PDS5A: variants seen among roughly 807,000 people sequenced by gnomAD.
PDS5A encodes PDS5 cohesin associated factor A, also known as sister chromatid cohesion protein PDS5 homolog A.
In PDS5A, 42 loss-of-function variants were observed where a neutral mutation model predicts 167.1. That is an observed-to-expected ratio of 0.25 (90% CI 0.20 to 0.33). The LOEUF is 0.33. Ranked by LOEUF, PDS5A falls within the 10% of genes least tolerant of loss-of-function variation. The pLI, the probability that PDS5A is intolerant of heterozygous loss-of-function variation, is 1.00. For missense variants in PDS5A, 1,033 were observed against 1,605.9 expected (o/e 0.64, Z 6.10); for synonymous variants, 553 against 554.6 (o/e 1.00, Z 0.04).
intron 31 of PDS5A, 29 bp from the exon 32 acceptor site, chr4:39,838,237 C>A: frequency 7.3e-7 from 1 of 1,368,300 alleles, no homozygotes; most frequent in Non-Finnish European, 9.8e-7. Context: ...ATTCTATAAA[C>A]ACAAATTCCT....
intron 2 of PDS5A, among the ~76,000 whole-genome samples, chr4:39,963,420 C>A (rs1729683639): frequency 6.6e-6 from 1 of 152,028 alleles, no homozygotes; most frequent in Non-Finnish European, 1.5e-5. Context: ...GATTGCACCA[C>A]TGCACTTCAG....
At chr4:39,838,524 C>T (rs1221601943) in intron 31 of PDS5A, among the ~76,000 whole-genome samples, 1 of 152,148 alleles carries the variant, frequency 6.6e-6, no homozygotes, top group Non-Finnish European at 1.5e-5. Flanking sequence ...GAGTTCCAAA[C>T]AATCCCCGGC....
chr4:39,976,384 T>C, intron 2 of PDS5A, 56 bp downstream of exon 2: 1 of 1,507,134 alleles, frequency 6.6e-7, no homozygotes, highest in Non-Finnish European at 9.2e-7. Context: ...AGGGTAGCAG[T>C]ATCACAGGAG....
In PDS5A at chr4:39,877,107, T is replaced by C; in HGVS notation, c.2039A>G (p.Tyr680Cys). Residue 680 changes from tyrosine (Y) to cysteine (C), a missense_variant, in exon 19 of 33, where the codon TAT becomes TGT. Coordinates refer to ENST00000303538, the MANE Select transcript of PDS5A (RefSeq NM_001100399.2). The part of the protein sequence containing the change: ...HPTSFHSAET[Y>C]ESLLQCLRME... Reference sequence around the variant, plus strand: ...TCTTAGGCACTGTAACAAGGACTCATATGTCTCTGCAGAGTGGAACGAGGT... The same window carrying C: ...TCTTAGGCACTGTAACAAGGACTCACATGTCTCTGCAGAGTGGAACGAGGT... 1.2e-6 allele frequency: 2 copies of C among 1,608,116 alleles called. No individual in the cohort carries two copies. The highest frequency in any genetic ancestry group is 1.7e-6 in the Non-Finnish European group (2 of 1,175,198).
intron 11 of PDS5A, among the ~76,000 whole-genome samples, chr4:39,906,284 C>T (rs948534271): frequency 2.9e-4 from 44 of 151,988 alleles, no homozygotes; most frequent in African/African-American, 1.0e-3. Context: ...GGGAGGATCG[C>T]TTGAGCCTGG....
intron 2 of PDS5A, among the ~76,000 whole-genome samples, chr4:39,949,006 G>T (rs1323457806): frequency 3.3e-5 from 5 of 151,942 alleles, no homozygotes; most frequent in Middle Eastern, 3.4e-3. Flanking sequence ...GGCCATAAAA[G>T]GTATAATGAA....
intron 7 of PDS5A, among the ~76,000 whole-genome samples, chr4:39,918,057 T>C (rs915090579): frequency 5.9e-5 from 9 of 151,598 alleles, no homozygotes; most frequent in African/African-American, 9.7e-5. Context: ...TGCATGCCTA[T>C]AGCCCCAGCT....
chr4:39,849,116 C>T (rs1475174049), intron 27 of PDS5A, 146 bp from the exon 28 acceptor site: 7 of 647,058 alleles, frequency 1.1e-5, no homozygotes, highest in Non-Finnish European at 1.8e-5. Context: ...CTGTTCAGCA[C>T]TGTTTATGCA....
At chr4:39,922,769 GA>G in intron 5 of PDS5A, 21 bp from the exon 6 acceptor site, 1 of 883,830 alleles carries the variant, frequency 1.1e-6, no homozygotes, top group Non-Finnish European at 1.5e-6. Context: ...AAAAAAAAAA[GA>G]ATAAGTAGTA....
In PDS5A at chr4:39,898,517, C is replaced by A; in HGVS notation, c.1642G>T (p.Asp548Tyr). Residue 548 changes from aspartate (D) to tyrosine (Y), a missense_variant, in exon 16 of 33, where the codon GAC (aspartate) becomes TAC (tyrosine). Coordinates refer to ENST00000303538, the MANE Select transcript of PDS5A (RefSeq NM_001100399.2). ...ACAAAATCTTGTGCTTTCCCGGGGT[C>A]AGGCAAATTCTCTATAAAATTAAAA... ...KLMTIAKNLP[D>Y]PGKAQDFVKK... 1.3e-6 allele frequency: 2 copies of A among 1,554,482 alleles called. No individual in the cohort carries two copies. Among genetic ancestry groups the A allele is most frequent in the African/African-American group, 1.4e-5 (1 of 71,356 alleles).
intron 14 of PDS5A, among the ~76,000 whole-genome samples, chr4:39,899,332 T>C (rs931537821): frequency 6.6e-6 from 1 of 152,182 alleles, no homozygotes; most frequent in African/African-American, 2.4e-5. Flanking sequence ...AAAACATTAC[T>C]TATTAGTTTT....
intron 9 of PDS5A, among the ~76,000 whole-genome samples, chr4:39,913,233 G>C (rs781273524): frequency 2.0e-5 from 3 of 151,670 alleles, no homozygotes; most frequent in Admixed American, 1.3e-4. Context: ...TCCAGGTGCC[G>C]GTCACCACCC....
intron 6 of PDS5A, among the ~76,000 whole-genome samples, chr4:39,921,234 G>A (rs552120563): frequency 1.3e-5 from 2 of 152,056 alleles, no homozygotes; most frequent in Non-Finnish European, 2.9e-5. Context: ...CATGAAAGCA[G>A]ATATAAACAA....
chr4:39,836,713 C>T lies in PDS5A; in HGVS notation c.4010+1143G>A, dbSNP rs146470116. Among the ~76,000 whole-genome samples, 521 of 150,888 alleles carry T rather than the reference C, an allele frequency of 3.5e-3. 6 individuals are homozygous for T. The highest frequency in any genetic ancestry group is 0.021 in the East Asian group (107 of 5,146). ...TCCTGACCTCACGTGATCTACCCGCCGTGGCCTCCCAAAGTGTTGGGATTA... is the reference window on the plus strand; with the variant it reads ...TCCTGACCTCACGTGATCTACCCGCTGTGGCCTCCCAAAGTGTTGGGATTA... On this transcript the variant is annotated intron_variant, in intron 32 of 32. Coordinates refer to ENST00000303538, the MANE Select transcript of PDS5A (RefSeq NM_001100399.2).
At chr4:39,958,047 C>T (rs1361795060) in intron 2 of PDS5A, among the ~76,000 whole-genome samples, 1 of 151,984 alleles carries the variant, frequency 6.6e-6, no homozygotes, top group Non-Finnish European at 1.5e-5. Flanking sequence ...CACACCACCA[C>T]ACCTAGCTAA....
chr4:39,843,810 G>C (rs2109501097), intron 30 of PDS5A, among the ~76,000 whole-genome samples: 1 of 152,042 alleles, frequency 6.6e-6, no homozygotes, highest in South Asian at 2.1e-4. Context: ...TATATTAATA[G>C]TTTCAAAGTG....
At chr4:39,964,953 T>A (rs1259751825) in intron 2 of PDS5A, among the ~76,000 whole-genome samples, 9 of 151,838 alleles carry the variant, frequency 5.9e-5, no homozygotes, top group South Asian at 2.1e-4. Context: ...AAAATAATAA[T>A]AATAATAATA....
At chr4:39,928,209 T>C in intron 2 of PDS5A, 45 bp from the exon 3 acceptor site, 3 of 1,292,082 alleles carry the variant, frequency 2.3e-6, no homozygotes, top group Non-Finnish European at 2.2e-6. Flanking sequence ...TCCTGGAATT[T>C]AGAAATCAGT....
At chr4:39,912,224 A>G (rs1046118291) in intron 9 of PDS5A, among the ~76,000 whole-genome samples, 1 of 152,354 alleles carries the variant, frequency 6.6e-6, no homozygotes, top group Non-Finnish European at 1.5e-5. Flanking sequence ...ACTTGTTTCT[A>G]TGAATCAGAG....
Sources: allele counts gnomAD v4.1 joint callset (sites outside exome capture counted in the v4.1 genomes callset), GRCh38; gene constraint gnomAD v4.1.1; transcripts MANE v1.5; gene names NCBI Gene and HGNC (gene_info 2026-07-23, HGNC 2026-07-21).